PARP16: variants seen among roughly 807,000 people sequenced by gnomAD.
The protein encoded by PARP16 is poly(ADP-ribose) polymerase family member 16.
In PARP16, 31 loss-of-function variants were observed where a neutral mutation model predicts 35.0. That is an observed-to-expected ratio of 0.88 (90% CI 0.66 to 1.19). PARP16 has a LOEUF of 1.19. Ranked by LOEUF, PARP16 falls within the 50% of genes most tolerant of loss-of-function variation. The probability of loss-of-function intolerance (pLI) is 0.00; values close to 1 mark genes in which losing one functional copy is unlikely to be tolerated. For synonymous variants in PARP16, 162 were observed against 169.5 expected, an observed-to-expected ratio of 0.96 and a Z score of 0.34; for missense variants, 424 against 411.2, an observed-to-expected ratio of 1.03 and a Z score of -0.27.
chr15:65,241,352 G>C (rs1285196237), intron 3 of PARP16, among the ~76,000 whole-genome samples: 1 of 152,074 alleles, frequency 6.6e-6, no homozygotes, highest in African/African-American at 2.4e-5. Flanking sequence ...TGTTGGCCAG[G>C]CTGGTCTCGA....
chr15:65,284,873 A>C (rs2090537606), intron 1 of PARP16, among the ~76,000 whole-genome samples: 1 of 129,338 alleles, frequency 7.7e-6, no homozygotes, highest in Non-Finnish European at 1.6e-5. Flanking sequence ...GCTGGAGGGC[A>C]GTGGTGTGAT....
intron 3 of PARP16, among the ~76,000 whole-genome samples, chr15:65,238,123 T>C (rs1457887654): frequency 6.6e-6 from 1 of 151,990 alleles, no homozygotes; most frequent in Non-Finnish European, 1.5e-5. Flanking sequence ...CTGCCTCTAC[T>C]AAAAATACAA....
intron 3 of PARP16, chr15:65,248,005 C>T (rs1161573512): frequency 1.5e-5 from 5 of 343,200 alleles, no homozygotes; most frequent in South Asian, 6.8e-5. Flanking sequence ...GGGGTTTCAC[C>T]GTGTTAGCCA....
chr15:65,265,686 G>C (rs1371734241), intron 3 of PARP16, among the ~76,000 whole-genome samples: 1 of 152,136 alleles, frequency 6.6e-6, no homozygotes, highest in Non-Finnish European at 1.5e-5. Flanking sequence ...AGATCACCTG[G>C]GGACCTTGTT....
At chr15:65,243,461 G>C (rs1484577015) in intron 3 of PARP16, among the ~76,000 whole-genome samples, 1 of 152,120 alleles carries the variant, frequency 6.6e-6, no homozygotes, top group African/African-American at 2.4e-5. Flanking sequence ...ATGTTGCCCA[G>C]GCTGGCCTTG....
chr15:65,271,701 C>T (rs1238003933), intron 1 of PARP16, among the ~76,000 whole-genome samples: 1 of 152,138 alleles, frequency 6.6e-6, no homozygotes, highest in East Asian at 1.9e-4. Flanking sequence ...ATTAACATGC[C>T]ATGAGTATGG....
At chr15:65,244,626 G>A (rs1389197933) in intron 3 of PARP16, among the ~76,000 whole-genome samples, 1 of 152,182 alleles carries the variant, frequency 6.6e-6, no homozygotes, top group African/African-American at 2.4e-5. Context: ...TGAGATTTAG[G>A]TGGGGACACA....
At chr15:65,286,069 T>C (rs2090583534) in intron 1 of PARP16, among the ~76,000 whole-genome samples, 184 bp downstream of exon 1, 1 of 152,120 alleles carries the variant, frequency 6.6e-6, no homozygotes, top group Non-Finnish European at 1.5e-5. Flanking sequence ...AGCGTTGACA[T>C]GAGGGTGTTA....
intron 4 of PARP16, among the ~76,000 whole-genome samples, chr15:65,261,453 G>GT (rs997582229): frequency 9.8e-4 from 138 of 141,076 alleles, no homozygotes; most frequent in South Asian, 1.6e-3. Flanking sequence ...TACATGTTTT[G>GT]TTTTTTTTTT....
chr15:65,279,249 C>T (rs1194443371), intron 1 of PARP16, among the ~76,000 whole-genome samples: 1 of 152,184 alleles, frequency 6.6e-6, no homozygotes, highest in African/African-American at 2.4e-5. Flanking sequence ...ATTAAATGAG[C>T]TACGTGTAGT....
downstream of PARP16, among the ~76,000 whole-genome samples, chr15:65,254,192 C>T (rs1389489083): frequency 1.3e-5 from 2 of 152,208 alleles, no homozygotes; most frequent in East Asian, 3.8e-4. Flanking sequence ...ATGCTGCTTT[C>T]CCTTTTCAGG....
chr15:65,248,147 G>A, exon 3 of PARP16: 1 of 456,406 alleles, frequency 2.2e-6, no homozygotes, highest in Non-Finnish European at 4.4e-6. Flanking sequence ...CTTTCCATGA[G>A]GCCCTTGTCC....
intron 1 of PARP16, among the ~76,000 whole-genome samples, chr15:65,279,547 A>G (rs1390034092): frequency 6.6e-6 from 1 of 152,094 alleles, no homozygotes; most frequent in Non-Finnish European, 1.5e-5. Flanking sequence ...GTCTGTATCC[A>G]TATATTTTCA....
intron 2 of PARP16, among the ~76,000 whole-genome samples, chr15:65,270,615 T>C (rs545052649): frequency 1.2e-4 from 18 of 152,334 alleles, no homozygotes; most frequent in African/African-American, 3.1e-4. Flanking sequence ...TCAATTCTCA[T>C]AGTCAGTGCC....
At chr15:65,256,095 C>T (rs2089499651), downstream of PARP16, among the ~76,000 whole-genome samples, 1 of 152,214 alleles carries the variant, frequency 6.6e-6, no homozygotes, top group Non-Finnish European at 1.5e-5. Flanking sequence ...TGACACTGCT[C>T]ATCTAGCCCT....
rs1449726550 is a variant in PARP16, at chr15:65,259,504, A to C, written c.872T>G (p.Phe291Cys). The change falls in exon 6 of 6, where the codon TTT becomes TGT. Residue 291 changes from phenylalanine (F) to cysteine (C), a missense_variant. By Grantham distance (205) the Phe-to-Cys change is radical (BLOSUM62 -2). Coordinates refer to ENST00000649807, the MANE Select transcript of PARP16 (RefSeq NM_001316943.2). ...CAGATACAGGGATATCATGACGGTA[A>C]ACCAATGGCTGGAAAACCAGGAGAG... ...SQLSWFSSHW[F>C]TVMISLYLLL... 1 of 1,614,060 alleles carries C rather than the reference A, an allele frequency of 6.2e-7. No individual in the cohort carries two copies. The highest frequency in any genetic ancestry group is 2.2e-5 in the East Asian group (1 of 44,894).
chr15:65,236,446 T>C (rs968516442), intron 3 of PARP16, among the ~76,000 whole-genome samples: 3 of 152,232 alleles, frequency 2.0e-5, no homozygotes, highest in African/African-American at 7.2e-5. Context: ...GATTGAGATC[T>C]GGAACACCAT....
At chr15:65,239,824 T>G (rs1048836399) in intron 3 of PARP16, among the ~76,000 whole-genome samples, 3 of 150,420 alleles carry the variant, frequency 2.0e-5, no homozygotes, top group African/African-American at 7.3e-5. Flanking sequence ...GCCTGGCTAA[T>G]TTTTTGTATT....
Position 65,286,450 on chromosome 15 carries a change from G to C in PARP16, c.-24C>G, listed in dbSNP as rs776307743. 1 of 1,447,190 alleles carries C rather than the reference G, an allele frequency of 6.9e-7. No homozygotes were observed. Among genetic ancestry groups the C allele is most frequent in the Non-Finnish European group, 9.1e-7 (1 of 1,101,888 alleles). The allele number at this position is 1,447,190 out of a possible 1,614,324, so 89.6% of individuals were successfully genotyped here. On this transcript the variant is annotated 5_prime_UTR_variant, in exon 1 of 6. Transcript: ENST00000649807. ...ATCCCAGGTCACTGCGCGTTGCCGGGGTAGACGCGCTGGTTAGGGGCAAGG... is the reference window on the plus strand; with the variant it reads ...ATCCCAGGTCACTGCGCGTTGCCGGCGTAGACGCGCTGGTTAGGGGCAAGG...
Sources: allele counts gnomAD v4.1 joint callset (sites outside exome capture counted in the v4.1 genomes callset), GRCh38; gene constraint gnomAD v4.1.1; transcripts MANE v1.5; gene names NCBI Gene and HGNC (gene_info 2026-07-23, HGNC 2026-07-21).